Variants in NUDT7 observed in about 807,000 individuals in gnomAD.
NUDT7 encodes the protein peroxisomal coenzyme A diphosphatase NUDT7.
NUDT7 carries 19 observed loss-of-function variants against 13.1 expected under a neutral mutation model. The ratio of observed to expected loss-of-function variants is 1.45; its 90% CI spans 1.01 to 2.13. The LOEUF (loss-of-function observed/expected upper bound fraction) is 2.13, where lower values mean the gene tolerates loss of function less well. NUDT7 is among the 30% of genes most tolerant of loss of function. The pLI, the probability that NUDT7 is intolerant of heterozygous loss-of-function variation, is 0.00. For synonymous variants in NUDT7, 132 were observed against 109.7 expected (o/e 1.20, Z -1.27); for missense variants, 360 against 291.7 (o/e 1.23, Z -1.71).
At chr16:77,732,953 G>A in intron 2 of NUDT7, among the ~76,000 whole-genome samples, 1 of 152,106 alleles carries the variant, frequency 6.6e-6, no homozygotes, top group Non-Finnish European at 1.5e-5. Flanking sequence ...TACGCATTTG[G>A]TAAGACATAT....
chr16:77,738,494 T>C (rs1431631224), intron 3 of NUDT7, among the ~76,000 whole-genome samples: 2 of 152,234 alleles, frequency 1.3e-5, no homozygotes, highest in African/African-American at 4.8e-5. Flanking sequence ...ATGCCATTTA[T>C]TGAAAATTAT....
At chr16:77,724,847 C>G (rs1410778240) in intron 1 of NUDT7, among the ~76,000 whole-genome samples, 1 of 152,228 alleles carries the variant, frequency 6.6e-6, no homozygotes, top group Non-Finnish European at 1.5e-5. Context: ...ATGTGTTCCC[C>G]TGTCCACAGC....
chr16:77,737,465 CTT>C (rs1457252045), intron 3 of NUDT7: 1 of 150,272 alleles, frequency 6.7e-6, no homozygotes. Context: ...TAGGTATAAA[CTT>C]TTCATGGTTT....
chr16:77,725,078 T>C (rs2014086968), intron 1 of NUDT7, among the ~76,000 whole-genome samples: 1 of 152,262 alleles, frequency 6.6e-6, no homozygotes, highest in South Asian at 2.1e-4. Flanking sequence ...GGTAGTCTTC[T>C]AACCTTCTAA....
chr16:77,722,577 A>T lies in NUDT7; in HGVS notation c.-6A>T, dbSNP rs900784638. 6 of 1,588,888 alleles carry T rather than the reference A, an allele frequency of 3.8e-6. No homozygotes were observed. In the African/African-American group the frequency reaches 6.7e-5, roughly 18 times the overall value. On this transcript the variant is annotated 5_prime_UTR_variant, in exon 1 of 4. Transcript: ENST00000268533. ...GTCCGCCCGGAAACAAACATTCCCC[A>T]GGGCAATGTCACGACTTGGTCTTCC... is the stretch of plus-strand genomic sequence containing the variant.
chr16:77,732,282 C>T (rs1269955844), intron 2 of NUDT7, among the ~76,000 whole-genome samples: 2 of 151,896 alleles, frequency 1.3e-5, no homozygotes, highest in African/African-American at 2.4e-5. Context: ...GAGCTGAGAT[C>T]CCATCACTGC....
intron 2 of NUDT7, among the ~76,000 whole-genome samples, chr16:77,735,092 A>G (rs74026807): frequency 4.6e-5 from 7 of 152,168 alleles, no homozygotes; most frequent in Non-Finnish European, 1.0e-4. Context: ...ATAAGCAGCC[A>G]TTAAAGGACT....
chr16:77,732,743 A>G (rs308929), intron 2 of NUDT7, among the ~76,000 whole-genome samples: 58,343 of 152,066 alleles, frequency 0.38, 13,891 homozygotes, highest in Non-Finnish European at 0.55. Flanking sequence ...CGATGATGAA[A>G]TCGCCTAATG....
chr16:77,722,642 C>A (rs369208708), intron 1 of NUDT7, 25 bp downstream of exon 1: 1 of 1,581,390 alleles, frequency 6.3e-7, no homozygotes. Flanking sequence ...GGCCCTGGCA[C>A]CCCGAGCTTG....
At chr16:77,739,688 A>T (rs1223729695) in intron 3 of NUDT7, among the ~76,000 whole-genome samples, 1 of 152,094 alleles carries the variant, frequency 6.6e-6, no homozygotes. Context: ...CCTATTCAAG[A>T]TGGAGTTGCT....
chr16:77,725,681 A>T (rs2014113766), intron 2 of NUDT7, 97 bp downstream of exon 2: 3 of 1,137,662 alleles, frequency 2.6e-6, no homozygotes, highest in Admixed American at 4.6e-5. Flanking sequence ...CAAAATTCTC[A>T]AAAGGGCTTT....
chr16:77,735,867 A>C lies in NUDT7; in HGVS notation c.229A>C (p.Lys77Gln). The change falls in exon 3 of 4, where the codon AAG becomes CAG. Residue 77 changes from lysine to glutamine, a missense_variant. Transcript: ENST00000268533. ...TGGAGAAGTTTGCTTCCCTGGAGGTAAGCGTGACCCTACAGACATGGATGA... is the reference window on the plus strand; with the variant it reads ...TGGAGAAGTTTGCTTCCCTGGAGGTCAGCGTGACCCTACAGACATGGATGA... The part of the protein sequence containing the change: ...APGEVCFPGG[K>Q]RDPTDMDDAA... 3 of 1,614,080 alleles carry C rather than the reference A, an allele frequency of 1.9e-6. No individual in the cohort carries two copies. The highest frequency in any genetic ancestry group is 2.7e-5 in the African/African-American group (2 of 75,046).
chr16:77,728,024 A>C (rs2014194191), intron 2 of NUDT7, among the ~76,000 whole-genome samples: 2 of 152,084 alleles, frequency 1.3e-5, no homozygotes, highest in African/African-American at 4.8e-5. Context: ...GTCACTTTTT[A>C]AAAACTATTT....
intron 3 of NUDT7, chr16:77,736,784 C>T (rs763781653): frequency 5.3e-4 from 91 of 172,442 alleles, no homozygotes; most frequent in African/African-American, 2.0e-3. Flanking sequence ...TACTTTCTAT[C>T]GGTTCACCAC....
chr16:77,732,139 C>A (rs988112992), intron 2 of NUDT7, among the ~76,000 whole-genome samples: 7 of 151,924 alleles, frequency 4.6e-5, no homozygotes, highest in Admixed American at 3.9e-4. Context: ...ACCAGCCTGG[C>A]CAACATGGCC....
At chr16:77,723,987 G>A (rs1361239342) in intron 1 of NUDT7, among the ~76,000 whole-genome samples, 1 of 152,124 alleles carries the variant, frequency 6.6e-6, no homozygotes, top group African/African-American at 2.4e-5. Flanking sequence ...AAAATCAGCT[G>A]TTCCTTTTCT....
chr16:77,737,200 T>C (rs2014514153), intron 3 of NUDT7, among the ~76,000 whole-genome samples: 1 of 152,226 alleles, frequency 6.6e-6, no homozygotes, highest in Non-Finnish European at 1.5e-5. Flanking sequence ...TTTCTACTAA[T>C]GTCCTTTCTG....
intron 2 of NUDT7, among the ~76,000 whole-genome samples, chr16:77,728,260 T>C (rs2014203681): frequency 6.6e-6 from 1 of 152,136 alleles, no homozygotes; most frequent in Non-Finnish European, 1.5e-5. Context: ...TCAGAAGGAT[T>C]CTCGCTCTGT....
chr16:77,723,321 T>C (rs1301396063), intron 1 of NUDT7, among the ~76,000 whole-genome samples: 1 of 152,110 alleles, frequency 6.6e-6, no homozygotes, highest in Admixed American at 6.5e-5. Context: ...ATTCACTGAT[T>C]TTTTTCAGGC....
Sources: allele counts gnomAD v4.1 joint callset (sites outside exome capture counted in the v4.1 genomes callset), GRCh38; gene constraint gnomAD v4.1.1; transcripts MANE v1.5; gene names NCBI Gene and HGNC (gene_info 2026-07-23, HGNC 2026-07-21).